Variants in ADCY1 observed in about 807,000 individuals in gnomAD.
The protein encoded by ADCY1 is adenylate cyclase type 1.
A neutral mutation model predicts 105.4 loss-of-function variants in ADCY1; 28 were observed. That is an observed-to-expected ratio of 0.27 (90% CI 0.20 to 0.36). The LOEUF (loss-of-function observed/expected upper bound fraction) is 0.36, where lower values mean the gene tolerates loss of function less well. Ranked by LOEUF, ADCY1 falls within the 10% of genes least tolerant of loss-of-function variation. The probability of loss-of-function intolerance (pLI) is 1.00; values close to 1 mark genes in which losing one functional copy is unlikely to be tolerated. For missense variants in ADCY1, 977 were observed against 1,434.2 expected, an observed-to-expected ratio of 0.68 and a Z score of 5.15; for synonymous variants, 655 against 623.8, an observed-to-expected ratio of 1.05 and a Z score of -0.75.
intron 2 of ADCY1, among the ~76,000 whole-genome samples, chr7:45,593,830 A>C (rs868311293): frequency 2.0e-5 from 3 of 152,282 alleles, no homozygotes; most frequent in Admixed American, 6.5e-5. Context: ...TTACAATAAA[A>C]GTAGGATATA....
chr7:45,634,350 T>C (rs181527616), intron 4 of ADCY1, among the ~76,000 whole-genome samples: 13 of 152,154 alleles, frequency 8.5e-5, no homozygotes, highest in Admixed American at 3.3e-4. Context: ...CATCATTAAA[T>C]ATATTACCAG....
intron 4 of ADCY1, among the ~76,000 whole-genome samples, chr7:45,639,205 A>G (rs1238447171): frequency 6.6e-6 from 1 of 152,236 alleles, no homozygotes; most frequent in Non-Finnish European, 1.5e-5. Context: ...CTCCTTAGCC[A>G]TGGTTGATAG....
chr7:45,634,708 A>T (rs947513269), intron 4 of ADCY1, among the ~76,000 whole-genome samples: 4 of 152,162 alleles, frequency 2.6e-5, no homozygotes, highest in Admixed American at 2.0e-4. Flanking sequence ...TGATGCTGGG[A>T]GGCAGCAGCA....
chr7:45,595,541 G>A lies in ADCY1; in HGVS notation c.789+2633G>A, dbSNP rs534002523. 5.9e-5 allele frequency among the ~76,000 whole-genome samples: 9 copies of A among 152,176 alleles called. No homozygotes were observed. The South Asian group carries it at 1.5e-3, about 25-fold the overall frequency. ...TTCTGTATTTCTTTGTGATTAGTAC[G>A]CTTCAACCCTCCGTCCCGTTACATT... On this transcript the variant is annotated intron_variant, in intron 2 of 19. Transcript: ENST00000297323.
At position 45,708,885 on chromosome 7, in the gene ADCY1, T is replaced by A. The variant is rs1047159121; in HGVS notation, c.2932+421T>A. 1.3e-5 allele frequency among the ~76,000 whole-genome samples: 2 copies of A among 152,136 alleles called. No homozygotes were observed. Among genetic ancestry groups the A allele is most frequent in the African/African-American group, 4.8e-5 (2 of 41,436 alleles). On this transcript the variant is annotated intron_variant, in intron 18 of 19. Coordinates refer to ENST00000297323, the MANE Select transcript of ADCY1 (RefSeq NM_021116.4). This position sits in a 1 kb window ranked among gnomAD's most constrained non-coding sequence, Gnocchi z 4.7. Reference sequence around the variant, plus strand: ...CAGCCGCCCTGTGTCTTCTCCAGGCTCCTTCCCTCACCTGTGTCGTGAGGA... The same window carrying A: ...CAGCCGCCCTGTGTCTTCTCCAGGCACCTTCCCTCACCTGTGTCGTGAGGA...
intron 5 of ADCY1, among the ~76,000 whole-genome samples, chr7:45,651,116 G>C (rs141298082): frequency 6.6e-6 from 1 of 152,226 alleles, no homozygotes; most frequent in African/African-American, 2.4e-5. Flanking sequence ...TTGGGCTCCT[G>C]ATTACCAGAG....
intron 11 of ADCY1, among the ~76,000 whole-genome samples, chr7:45,682,429 A>G (rs1584328661): frequency 6.6e-6 from 1 of 152,082 alleles, no homozygotes; most frequent in East Asian, 1.9e-4. Context: ...GGCAGAGGAG[A>G]GGAGGAAGCC....
chr7:45,615,965 A>G (rs1290320128), intron 3 of ADCY1, among the ~76,000 whole-genome samples: 7 of 152,180 alleles, frequency 4.6e-5, no homozygotes, highest in African/African-American at 1.7e-4. Context: ...TAGACCAATA[A>G]AAAAAGAGAA....
chr7:45,702,632 C>G (rs1404198339), intron 14 of ADCY1, among the ~76,000 whole-genome samples: 1 of 152,250 alleles, frequency 6.6e-6, no homozygotes, highest in Non-Finnish European at 1.5e-5. Flanking sequence ...GCCAAGAGCA[C>G]TTCTTGAGCC....
At chr7:45,666,117 AGT>A (rs755589738) in intron 8 of ADCY1, among the ~76,000 whole-genome samples, 4 of 152,068 alleles carry the variant, frequency 2.6e-5, no homozygotes, top group Non-Finnish European at 5.9e-5. Context: ...TGCTCAATGC[AGT>A]GTCTTTTCTT....
intron 5 of ADCY1, among the ~76,000 whole-genome samples, chr7:45,657,068 T>A (rs890870007): frequency 1.3e-5 from 2 of 152,240 alleles, no homozygotes; most frequent in African/African-American, 4.8e-5. Flanking sequence ...CTGCTCTGCC[T>A]CTTTTCCCTT....
intron 4 of ADCY1, among the ~76,000 whole-genome samples, chr7:45,634,612 C>T (rs183416514): frequency 3.5e-4 from 53 of 152,126 alleles, no homozygotes; most frequent in Middle Eastern, 3.4e-3. Context: ...AGATGGTCCC[C>T]GACTTATGAT....
chr7:45,638,481 C>CTTTTTTTTTTTT (rs34719678), intron 4 of ADCY1, among the ~76,000 whole-genome samples: 5 of 132,746 alleles, frequency 3.8e-5, no homozygotes, highest in South Asian at 2.4e-4. Context: ...CAGTTTGCTC[C>CTTTTTTTTTTTT]TTTTTTTTTT....
At chr7:45,579,276 A>G (rs1035143102) in intron 1 of ADCY1, among the ~76,000 whole-genome samples, 5 of 152,050 alleles carry the variant, frequency 3.3e-5, no homozygotes, top group African/African-American at 1.2e-4. Context: ...CCACTGCCCA[A>G]CATGCTGTCA....
Position 45,648,778 on chromosome 7 carries a change from G to T in ADCY1, c.1129G>T (p.Asp377Tyr). The change falls in exon 5 of 20, where the codon GAC (aspartate) becomes TAC (tyrosine). Residue 377 changes from aspartate (D) to tyrosine (Y), a missense_variant. By Grantham distance (160) the Asp-to-Tyr change is radical. Transcript: ENST00000297323. ...CCACTGCTGTGTGGAGATGGGACTC[G>T]ACATGATTGATACCATCACGTAAGT... ...HAHCCVEMGLDMIDTITSVAE... is the reference protein window; with the variant it reads ...HAHCCVEMGLYMIDTITSVAE... The T allele has an allele frequency of 6.2e-7, 1 of 1,614,128 alleles. No homozygotes were observed. The highest frequency in any genetic ancestry group is 8.5e-7 in the Non-Finnish European group (1 of 1,179,994).
At chr7:45,711,474 T>C (rs377719112) in intron 19 of ADCY1, among the ~76,000 whole-genome samples, 85 of 152,102 alleles carry the variant, frequency 5.6e-4, no homozygotes, top group African/African-American at 2.0e-3. Context: ...TTCTCTTTTT[T>C]AAAATTTCTT....
intron 17 of ADCY1, among the ~76,000 whole-genome samples, chr7:45,706,576 A>G (rs1785125616): frequency 1.3e-5 from 2 of 152,116 alleles, no homozygotes; most frequent in African/African-American, 4.8e-5. Context: ...ATAAGCCTAA[A>G]TGTAAAATGC....
chr7:45,705,783 G>T (rs1164944886), intron 17 of ADCY1, among the ~76,000 whole-genome samples: 2 of 152,084 alleles, frequency 1.3e-5, no homozygotes, highest in African/African-American at 2.4e-5. Flanking sequence ...ATGACTATAC[G>T]TAGAAAATGC....
rs1785453279 is a variant in ADCY1 at position 45,720,529 on chromosome 7, A to C, written c.*6534A>C. The C allele has an allele frequency of 1.3e-5, 2 of 148,880 alleles. No homozygotes were observed. The highest frequency in any genetic ancestry group is 5.0e-5 in the African/African-American group (2 of 39,806). The allele number at this position is 148,880 out of a possible 1,614,324, so 9.2% of individuals were successfully genotyped here. A position where few individuals can be genotyped will look rare whatever the true frequency, so the allele number is the denominator to read the frequency against. On this transcript the variant is annotated 3_prime_UTR_variant, in exon 20 of 20. Coordinates refer to ENST00000297323, the MANE Select transcript of ADCY1 (RefSeq NM_021116.4). Reference sequence around the variant, plus strand: ...AGACTCTCTCAAAAAAAAAAAAAAAAGAAAGAAAGAAATCAGAAAATCGAC... The same window carrying C: ...AGACTCTCTCAAAAAAAAAAAAAAACGAAAGAAAGAAATCAGAAAATCGAC...
Sources: gnomAD v4.1 joint callset for allele counts (sites outside exome capture counted in the v4.1 genomes callset) on GRCh38, gnomAD v4.1.1 for gene constraint, Gnocchi (gnomAD v3.1) non-coding constraint, MANE v1.5 for transcripts, NCBI Gene and HGNC (gene_info 2026-07-23, HGNC 2026-07-21) for gene names.